Variants in TOGARAM1 observed in about 807,000 individuals in gnomAD.
TOGARAM1 encodes the protein TOG array regulator of axonemal microtubules protein 1.
In TOGARAM1, 100 loss-of-function variants were observed where a neutral mutation model predicts 166.6. That is an observed-to-expected ratio of 0.60 (90% CI 0.51 to 0.71). TOGARAM1 has a LOEUF of 0.71. Among genes scored for constraint, TOGARAM1 ranks in the 30% least tolerant of loss-of-function variants. The probability of loss-of-function intolerance (pLI) is 0.00; values close to 1 mark genes in which losing one functional copy is unlikely to be tolerated. For synonymous variants in TOGARAM1, 758 were observed against 763.8 expected, an observed-to-expected ratio of 0.99 and a Z score of 0.13; for missense variants, 2,029 against 2,102.7, an observed-to-expected ratio of 0.96 and a Z score of 0.69.
At chr14:45,003,023 T>C (rs1242571364) in intron 3 of TOGARAM1, among the ~76,000 whole-genome samples, 2 of 152,088 alleles carry the variant, frequency 1.3e-5, no homozygotes, top group Admixed American at 6.6e-5. Context: ...TAGGAATATA[T>C]GAGACATTGT....
rs1566637608 is a variant in TOGARAM1, at chr14:45,018,017, A to G, written c.3238+5942A>G. On this transcript the variant is annotated intron_variant, in intron 7 of 19. Transcript: ENST00000361462. ...CATTTTAAAAATTTCCCTTACAATAAAAAAAAGTGGTTTTGAAGGGTATAA... is the reference window on the plus strand; with the variant it reads ...CATTTTAAAAATTTCCCTTACAATAGAAAAAAGTGGTTTTGAAGGGTATAA... 3.3e-5 allele frequency among the ~76,000 whole-genome samples: 5 copies of G among 152,086 alleles called. No individual in the cohort carries two copies. The South Asian group carries it at 1.0e-3, about 32-fold the overall frequency.
intron 15 of TOGARAM1, 82 bp from the exon 16 acceptor site, chr14:45,054,349 C>A: frequency 1.2e-6 from 1 of 827,724 alleles, no homozygotes; most frequent in Non-Finnish European, 1.9e-6. Context: ...TCAATGATGC[C>A]TACTTTGAAA....
chr14:45,049,356 G>A (rs766262463), intron 14 of TOGARAM1, among the ~76,000 whole-genome samples: 9 of 151,746 alleles, frequency 5.9e-5, no homozygotes, highest in Non-Finnish European at 8.8e-5. Context: ...TCCGCCTTCC[G>A]GGTTCAAGCG....
intron 16 of TOGARAM1, among the ~76,000 whole-genome samples, chr14:45,065,290 T>C (rs1035075120): frequency 6.6e-6 from 1 of 152,162 alleles, no homozygotes; most frequent in African/African-American, 2.4e-5. Flanking sequence ...AGGATGATCA[T>C]CTAAACAGGG....
At chr14:45,025,437 A>T (rs1465739232) in intron 7 of TOGARAM1, 1 of 172,424 alleles carries the variant, frequency 5.8e-6, no homozygotes, top group Non-Finnish European at 1.2e-5. Flanking sequence ...GGTGGTGCGT[A>T]CCTGTAATCC....
At chr14:45,028,059 G>A (rs1457851237) in intron 9 of TOGARAM1, 117 bp from the exon 10 acceptor site, 8 of 754,438 alleles carry the variant, frequency 1.1e-5, no homozygotes, top group Non-Finnish European at 1.7e-5. Flanking sequence ...TGTTTTCTAG[G>A]ACACACTTAA....
chr14:44,998,082 A>G (rs954340137), intron 2 of TOGARAM1, among the ~76,000 whole-genome samples: 2 of 152,236 alleles, frequency 1.3e-5, no homozygotes, highest in Non-Finnish European at 2.9e-5. Context: ...AGGAGAATTT[A>G]TAGACCTTTA....
At chr14:45,061,736 TA>T (rs879921319) in intron 16 of TOGARAM1, among the ~76,000 whole-genome samples, 2 of 151,658 alleles carry the variant, frequency 1.3e-5, no homozygotes, top group Non-Finnish European at 2.9e-5. Context: ...TGATGTGTGA[TA>T]TTTTTAATAT....
At chr14:44,991,007 T>C (rs78452568) in intron 1 of TOGARAM1, among the ~76,000 whole-genome samples, 5,254 of 143,926 alleles carry the variant, frequency 0.037, 179 homozygotes, top group East Asian at 0.12. Flanking sequence ...TCTTCCAAGC[T>C]AGAGTGCTGT....
chr14:45,033,497 T>G (rs564429988), intron 11 of TOGARAM1, among the ~76,000 whole-genome samples: 1 of 152,316 alleles, frequency 6.6e-6, no homozygotes, highest in Non-Finnish European at 1.5e-5. Flanking sequence ...TATAAAACTT[T>G]ACTTATAAAA....
At position 45,044,821 on chromosome 14, in the gene TOGARAM1, A is replaced by G. The variant is rs750746185; in HGVS notation, c.4105A>G (p.Asn1369Asp). 6.2e-7 allele frequency: 1 copy of G among 1,614,086 alleles called. No individual in the cohort carries two copies. Among genetic ancestry groups the G allele is most frequent in the South Asian group, 1.1e-5 (1 of 91,076 alleles). The change falls in exon 13 of 20, where the codon AAT (asparagine) becomes GAT (aspartate). Residue 1369 changes from asparagine (N) to aspartate (D), a missense_variant. This residue lies in a region of TOGARAM1 where 576 missense variants were observed against 670.5 expected (regional missense o/e 0.86). Transcript: ENST00000361462. Reference sequence around the variant, plus strand: ...CAAAGCATTGAGAGCTATGGTTAATAATGTAACTCCTGCACGTGCAGTTGT... The same window carrying G: ...CAAAGCATTGAGAGCTATGGTTAATGATGTAACTCCTGCACGTGCAGTTGT... ...VDKALRAMVNNVTPARAVVSL... is the reference protein window; with the variant it reads ...VDKALRAMVNDVTPARAVVSL...
intron 1 of TOGARAM1, among the ~76,000 whole-genome samples, chr14:44,992,673 A>G (rs1276493218): frequency 1.6e-5 from 2 of 128,014 alleles, no homozygotes; most frequent in African/African-American, 3.1e-5. Flanking sequence ...GCTGGAGTGC[A>G]GTGGCGCGAT....
At chr14:44,976,142 A>C (rs1387455586) in intron 1 of TOGARAM1, among the ~76,000 whole-genome samples, 1 of 152,166 alleles carries the variant, frequency 6.6e-6, no homozygotes, top group Non-Finnish European at 1.5e-5. Context: ...CACTTTGATT[A>C]ACATCTTTCA....
Position 45,044,032 on chromosome 14 carries a change from C to T in TOGARAM1, c.3918+241C>T, listed in dbSNP as rs1213450396. On this transcript the variant is annotated intron_variant, in intron 12 of 19. Transcript: ENST00000361462. ...GGGTTTTGTTTGTTTGTTTTTGAAA[C>T]GGAGTCTTGCTCTGTTGCCCAGGCT... Among the ~76,000 whole-genome samples, 12 of 151,984 alleles carry T rather than the reference C, an allele frequency of 7.9e-5. No individual in the cohort carries two copies. The East Asian group carries it at 9.7e-4, about 12-fold the overall frequency.
intron 1 of TOGARAM1, among the ~76,000 whole-genome samples, chr14:44,992,611 CTTTT>C (rs376434047): frequency 3.3e-5 from 3 of 91,324 alleles, no homozygotes; most frequent in Admixed American, 1.4e-4. Context: ...TTTTTGTAAT[CTTTT>C]TTTTTTTTTT....
chr14:45,054,902 T>C (rs760933559), intron 16 of TOGARAM1, among the ~76,000 whole-genome samples: 4 of 152,164 alleles, frequency 2.6e-5, no homozygotes, highest in Non-Finnish European at 5.9e-5. Context: ...AAAAAACCTT[T>C]AGAAAATGAA....
At chr14:44,991,673 T>C (rs1372787580) in intron 1 of TOGARAM1, among the ~76,000 whole-genome samples, 2 of 152,098 alleles carry the variant, frequency 1.3e-5, no homozygotes. Flanking sequence ...TGTATTGTCT[T>C]ACATGGAAGG....
rs992828067 is a variant in TOGARAM1 at position 45,019,188 on chromosome 14, T to C, written c.3239-6595T>C. Among the ~76,000 whole-genome samples the C allele has an allele frequency of 2.6e-5, 4 of 152,226 alleles. No individual in the cohort carries two copies. The East Asian group carries it at 7.7e-4, about 29-fold the overall frequency. On this transcript the variant is annotated intron_variant, in intron 7 of 19. Coordinates refer to ENST00000361462, the MANE Select transcript of TOGARAM1 (RefSeq NM_001308120.2). ...TTACAGTCATTTTTGTCTCTTTACC[T>C]TCCAAGTTTAGGAGGTGGCTTATCC... is the stretch of plus-strand genomic sequence containing the variant.
At position 45,070,296 on chromosome 14, in the gene TOGARAM1, C is replaced by T. The variant is rs62000267; in HGVS notation, c.4970-1416C>T. 2.8e-3 allele frequency among the ~76,000 whole-genome samples: 425 copies of T among 152,268 alleles called. 3 individuals carry two copies. Among genetic ancestry groups the T allele is most frequent in the Middle Eastern group, 0.021 (6 of 292 alleles). On this transcript the variant is annotated intron_variant, in intron 18 of 19. Transcript: ENST00000361462. ...TCTTAAGTATTTTTCATCAGGTTTACTATAATACCATAAAACTTGAGTGAC... is the reference window on the plus strand; with the variant it reads ...TCTTAAGTATTTTTCATCAGGTTTATTATAATACCATAAAACTTGAGTGAC...
Sources: gnomAD v4.1 joint callset for allele counts (sites outside exome capture counted in the v4.1 genomes callset) on GRCh38, gnomAD v4.1.1 for gene constraint, gnomAD v4.1.1 regional missense constraint, MANE v1.5 for transcripts, NCBI Gene and HGNC (gene_info 2026-07-23, HGNC 2026-07-21) for gene names.